The following LRCH3 variants were observed in gnomAD, a reference collection of about 807,000 sequenced individuals.
LRCH3 encodes DISP complex protein LRCH3.
A neutral mutation model predicts 104.5 loss-of-function variants in LRCH3; 68 were observed. That is an observed-to-expected ratio of 0.65 (90% CI 0.54 to 0.80). The LOEUF (loss-of-function observed/expected upper bound fraction) is 0.80, where lower values mean the gene tolerates loss of function less well. Among genes scored for constraint, LRCH3 ranks in the 30% least tolerant of loss-of-function variants. The probability of loss-of-function intolerance (pLI) is 0.00; values close to 1 mark genes in which losing one functional copy is unlikely to be tolerated. For missense variants in LRCH3, 951 were observed against 953.9 expected, an observed-to-expected ratio of 1.00 and a Z score of 0.04; for synonymous variants, 344 against 361.3, an observed-to-expected ratio of 0.95 and a Z score of 0.54.
At chr3:197,838,501 T>G (rs1209100544) in intron 9 of LRCH3, among the ~76,000 whole-genome samples, 1 of 152,234 alleles carries the variant, frequency 6.6e-6, no homozygotes, top group Non-Finnish European at 1.5e-5. Flanking sequence ...GTAGATATCC[T>G]TTTTGGGAAA....
At position 197,888,257 on chromosome 3, in the gene LRCH3, A is replaced by C. The variant is rs189302135; in HGVS notation, c.*4591A>C. On this transcript the variant is annotated 3_prime_UTR_variant, in exon 21 of 21. Transcript: ENST00000425562. ...TTCGTTTTATTTCTGAAAATGTTGTAAACATGTAATTAGTGAAAGATTTTG... is the reference window on the plus strand; with the variant it reads ...TTCGTTTTATTTCTGAAAATGTTGTCAACATGTAATTAGTGAAAGATTTTG... 67 of 152,376 alleles carry C rather than the reference A, an allele frequency of 4.4e-4. No homozygotes were observed. The highest frequency in any genetic ancestry group is 1.4e-3 in the African/African-American group (57 of 41,582). 9.4% of individuals were successfully genotyped at this position (152,376 alleles called of 1,614,324 possible). A position where few individuals can be genotyped will look rare whatever the true frequency, so the allele number is the denominator to read the frequency against.
At chr3:197,841,566 C>G (rs1256670763) in intron 10 of LRCH3, among the ~76,000 whole-genome samples, 1 of 152,134 alleles carries the variant, frequency 6.6e-6, no homozygotes, top group East Asian at 1.9e-4. Flanking sequence ...AATACAACAG[C>G]ATTCACTAGA....
At chr3:197,809,836 A>G (rs1732929504) in intron 1 of LRCH3, among the ~76,000 whole-genome samples, 1 of 152,132 alleles carries the variant, frequency 6.6e-6, no homozygotes, top group Non-Finnish European at 1.5e-5. Flanking sequence ...TTGCTCTCTG[A>G]AGCATTCTTA....
intron 15 of LRCH3, among the ~76,000 whole-genome samples, chr3:197,862,403 A>C (rs1229602820): frequency 6.6e-6 from 1 of 151,210 alleles, no homozygotes; most frequent in African/African-American, 2.5e-5. Flanking sequence ...TTATTCCTTA[A>C]TACTTTTAAA....
chr3:197,797,327 CAA>C (rs3085302), intron 1 of LRCH3, among the ~76,000 whole-genome samples: 19 of 71,540 alleles, frequency 2.7e-4, no homozygotes, highest in Non-Finnish European at 1.2e-4. Flanking sequence ...AACTCCATCT[CAA>C]AAAAAAAAAA....
rs766297519 is a variant in LRCH3, at chr3:197,817,352, G to GCGTGTATTT, written c.534+50_534+51insCGTGTATTT. On this transcript the variant is annotated intron_variant, in intron 3 of 20. Coordinates refer to ENST00000425562, the MANE Select transcript of LRCH3 (RefSeq NM_001365715.1). ...AACATGTGTGTGTGTGTGTCTGTGT[G>GCGTGTATTT]TGTGTGTGTATATATATATATATAT... The GCGTGTATTT allele has an allele frequency of 5.2e-5, 8 of 152,984 alleles. No homozygotes were observed. In the African/African-American group the frequency reaches 1.4e-3, roughly 26 times the overall value. The allele number at this position is 152,984 out of a possible 1,614,324, so 9.5% of individuals were successfully genotyped here. A position where few individuals can be genotyped will look rare whatever the true frequency, so the allele number is the denominator to read the frequency against.
intron 20 of LRCH3, among the ~76,000 whole-genome samples, chr3:197,879,488 T>TACA (rs1713345424): frequency 6.7e-6 from 1 of 150,282 alleles, no homozygotes; most frequent in South Asian, 2.1e-4. Context: ...CTACTAAAAA[T>TACA]ACAAAAAATT....
At chr3:197,863,817 A>G (rs1312205169) in intron 15 of LRCH3, among the ~76,000 whole-genome samples, 1 of 152,210 alleles carries the variant, frequency 6.6e-6, no homozygotes, top group Admixed American at 6.5e-5. Flanking sequence ...TAGGAAACCT[A>G]TATTACTTTT....
intron 5 of LRCH3, among the ~76,000 whole-genome samples, chr3:197,828,190 G>A (rs139410662): frequency 0.012 from 1,830 of 151,872 alleles, 21 homozygotes; most frequent in Non-Finnish European, 0.019. Flanking sequence ...TAATTCTAAA[G>A]TCACAAATTC....
At chr3:197,824,973 C>T (rs1267208019) in intron 4 of LRCH3, among the ~76,000 whole-genome samples, 1 of 152,212 alleles carries the variant, frequency 6.6e-6, no homozygotes, top group Admixed American at 6.5e-5. Context: ...CTAGTAGCTT[C>T]CCAAGAACAC....
intron 9 of LRCH3, among the ~76,000 whole-genome samples, chr3:197,836,550 C>T (rs1228233168): frequency 6.6e-6 from 1 of 152,032 alleles, no homozygotes; most frequent in Non-Finnish European, 1.5e-5. Context: ...CACTTGGGCC[C>T]TTTTAGAGAA....
At chr3:197,813,025 C>A (rs773267315) in intron 1 of LRCH3, among the ~76,000 whole-genome samples, 2 of 152,098 alleles carry the variant, frequency 1.3e-5, no homozygotes, top group African/African-American at 2.4e-5. Context: ...CTTAACAACA[C>A]CTGTTGTTTT....
At chr3:197,794,225 A>G (rs569832030) in intron 1 of LRCH3, among the ~76,000 whole-genome samples, 2 of 152,274 alleles carry the variant, frequency 1.3e-5, no homozygotes, top group East Asian at 3.9e-4. Context: ...GCCCAGGTTC[A>G]TCTAACTCTG....
chr3:197,811,712 C>T (rs1415386820), intron 1 of LRCH3, among the ~76,000 whole-genome samples: 1 of 152,186 alleles, frequency 6.6e-6, no homozygotes, highest in Non-Finnish European at 1.5e-5. Context: ...GTCATAATTA[C>T]ATAGCCAAAT....
chr3:197,880,549 A>C, intron 20 of LRCH3: 1 of 1,536,300 alleles, frequency 6.5e-7, no homozygotes, highest in Non-Finnish European at 8.7e-7. Context: ...CTTCAGCTAA[A>C]CCTCAGCGTT....
chr3:197,820,459 A>G, intron 4 of LRCH3, 29 bp downstream of exon 4: 1 of 1,355,290 alleles, frequency 7.4e-7, no homozygotes, highest in South Asian at 1.2e-5. Context: ...AGAAACCATG[A>G]AATAATTGTT....
Position 197,832,224 on chromosome 3 carries a change from C to A in LRCH3, c.1009C>A (p.Leu337Ile). Residue 337 changes from leucine to isoleucine, a missense_variant, in exon 8 of 21, where the codon CTT becomes ATT. Coordinates refer to ENST00000425562, the MANE Select transcript of LRCH3 (RefSeq NM_001365715.1). ...TACAGATGAATTTTCAGATCTGCCT[C>A]TTCGAGTAGCAGAGATTACTAAAGA... ...EPTDEFSDLP[L>I]RVAEITKEQR... The A allele has an allele frequency of 1.2e-6, 2 of 1,613,046 alleles. No homozygotes were observed. The highest frequency in any genetic ancestry group is 1.7e-6 in the Non-Finnish European group (2 of 1,179,216).
chr3:197,811,702 G>A (rs974885178), intron 1 of LRCH3, among the ~76,000 whole-genome samples: 1 of 152,138 alleles, frequency 6.6e-6, no homozygotes, highest in Non-Finnish European at 1.5e-5. Flanking sequence ...AAGTCCTAAT[G>A]TCATAATTAC....
intron 19 of LRCH3, among the ~76,000 whole-genome samples, chr3:197,874,535 A>G (rs928342697): frequency 6.6e-6 from 1 of 152,142 alleles, no homozygotes; most frequent in Non-Finnish European, 1.5e-5. Flanking sequence ...ATATATTACA[A>G]TGTAATAATA....
Sources: gnomAD v4.1 joint callset for allele counts (sites outside exome capture counted in the v4.1 genomes callset) on GRCh38, gnomAD v4.1.1 for gene constraint, MANE v1.5 for transcripts, NCBI Gene and HGNC (gene_info 2026-07-23, HGNC 2026-07-21) for gene names.